The following GPBP1 variants were observed in gnomAD, a reference collection of about 807,000 sequenced individuals.
GPBP1 encodes the protein GC-rich promoter binding protein 1.
In GPBP1, 13 loss-of-function variants were observed where a neutral mutation model predicts 56.5. The observed-to-expected ratio is 0.23, with a 90% CI of 0.15 to 0.37. GPBP1 has a LOEUF of 0.37. Among genes scored for constraint, GPBP1 ranks in the 10% least tolerant of loss-of-function variants. The pLI is 1.00. For synonymous variants in GPBP1, 204 were observed against 188.9 expected (o/e 1.08, Z -0.66); for missense variants, 477 against 572.3 (o/e 0.83, Z 1.70).
chr5:57,197,360 C>CT (rs34110209), intron 2 of GPBP1, among the ~76,000 whole-genome samples: 78,888 of 119,724 alleles, frequency 0.66, 27,300 homozygotes, highest in Non-Finnish European at 0.73. Flanking sequence ...TATCATTTTG[C>CT]TTTTTTTTTT....
intron 8 of GPBP1, chr5:57,249,206 A>C (rs1214116783): frequency 2.2e-6 from 1 of 458,560 alleles, no homozygotes. Context: ...TCAGACCTTC[A>C]TTGTTTGTGG....
chr5:57,185,197 T>A (rs1442512895), intron 2 of GPBP1, among the ~76,000 whole-genome samples: 1 of 151,836 alleles, frequency 6.6e-6, no homozygotes, highest in South Asian at 2.1e-4. Flanking sequence ...CAGCAATGGG[T>A]GTTAGTTGTT....
At chr5:57,177,741 T>G (rs750838431) in intron 2 of GPBP1, among the ~76,000 whole-genome samples, 5 of 145,996 alleles carry the variant, frequency 3.4e-5, no homozygotes, top group Non-Finnish European at 7.5e-5. Flanking sequence ...CCTCAGGTGA[T>G]CCTTGCGCCT....
chr5:57,260,080 T>A (rs547926413), intron 10 of GPBP1, among the ~76,000 whole-genome samples: 200 of 152,350 alleles, frequency 1.3e-3, no homozygotes, highest in African/African-American at 4.5e-3. Flanking sequence ...AAAGCTCTAT[T>A]TTTGTCTGCA....
In GPBP1 at chr5:57,184,447, A is replaced by G. The variant is rs572194933; in HGVS notation, c.-58+8047A>G. Among the ~76,000 whole-genome samples, 137 of 152,054 alleles carry G rather than the reference A, an allele frequency of 9.0e-4. 1 individual carries two copies. Among genetic ancestry groups the G allele is most frequent in the Middle Eastern group, 3.4e-3 (1 of 294 alleles). ...GAGCTTACAATAATGGCATAACTGG[A>G]GCAGGCATGTCACATGGCAAGAGGG... On this transcript the variant is annotated intron_variant, in intron 2 of 11. Coordinates refer to ENST00000506184, the MANE Select transcript of GPBP1 (RefSeq NM_022913.4).
rs575217004 is a variant in GPBP1 at position 57,256,124 on chromosome 5, C to T, written c.1160+4983C>T. The stretch of plus-strand genomic sequence containing the variant: ...TACAAAAATTAGCTAGGCGTGGTGG[C>T]GTGTTCCTGTATTCTCAACTACTGA... On this transcript the variant is annotated intron_variant, in intron 10 of 11. Transcript: ENST00000506184. 3.3e-5 allele frequency among the ~76,000 whole-genome samples: 5 copies of T among 152,188 alleles called. No individual in the cohort carries two copies. In the South Asian group the frequency reaches 6.2e-4, roughly 19 times the overall value.
chr5:57,185,526 C>T (rs1228373143), intron 2 of GPBP1, among the ~76,000 whole-genome samples: 1 of 152,142 alleles, frequency 6.6e-6, no homozygotes, highest in Non-Finnish European at 1.5e-5. Context: ...CCTTCAGCCT[C>T]CTGCAGTGCT....
chr5:57,240,392 A>G (rs1440857964), intron 6 of GPBP1, among the ~76,000 whole-genome samples: 1 of 151,984 alleles, frequency 6.6e-6, no homozygotes, highest in Non-Finnish European at 1.5e-5. Context: ...TGTGATGATG[A>G]CTCTTGACGT....
chr5:57,205,579 C>T (rs921154357), intron 2 of GPBP1, among the ~76,000 whole-genome samples: 1 of 141,040 alleles, frequency 7.1e-6, no homozygotes, highest in Admixed American at 7.3e-5. Flanking sequence ...ACATTTATTT[C>T]CTCTTTTTTT....
intron 10 of GPBP1, among the ~76,000 whole-genome samples, chr5:57,252,579 A>G (rs186498278): frequency 6.6e-6 from 1 of 152,090 alleles, no homozygotes; most frequent in East Asian, 1.9e-4. Context: ...TTTTGTAGTG[A>G]TGAGGGTTTC....
intron 10 of GPBP1, among the ~76,000 whole-genome samples, chr5:57,259,756 A>T: frequency 6.6e-6 from 1 of 151,374 alleles, no homozygotes; most frequent in East Asian, 1.9e-4. Context: ...GTGGTTAAGG[A>T]CTCTCTGGTG....
chr5:57,174,635 G>A (rs1303538536), intron 1 of GPBP1, among the ~76,000 whole-genome samples: 1 of 152,122 alleles, frequency 6.6e-6, no homozygotes, highest in Non-Finnish European at 1.5e-5. Context: ...GGTTTCTTCA[G>A]CAGCGCCTCA....
At chr5:57,174,799 C>T (rs1753724918) in intron 1 of GPBP1, among the ~76,000 whole-genome samples, 1 of 152,166 alleles carries the variant, frequency 6.6e-6, no homozygotes, top group Non-Finnish European at 1.5e-5. Context: ...ACCTTCCACC[C>T]CCTCAGTTTT....
At chr5:57,232,263 T>C (rs1048956955) in intron 5 of GPBP1, among the ~76,000 whole-genome samples, 2 of 152,190 alleles carry the variant, frequency 1.3e-5, no homozygotes, top group African/African-American at 4.8e-5. Flanking sequence ...GCTGGGATTA[T>C]AGGTGTAAAA....
chr5:57,259,953 C>G (rs1286852022), intron 10 of GPBP1, among the ~76,000 whole-genome samples: 1 of 152,174 alleles, frequency 6.6e-6, no homozygotes, highest in Non-Finnish European at 1.5e-5. Context: ...CCTTCCACTT[C>G]TTGGTAGCTA....
rs1741261800 is a variant in GPBP1 at position 57,249,564 on chromosome 5, T to G, written c.960T>G (p.Ala320=). Residue 320 remains alanine, a synonymous_variant, in exon 9 of 12, where the codon GCT becomes GCG. Transcript: ENST00000506184. Reference sequence around the variant, plus strand: ...AGGAACATGAAGATGAAAGCCGTGCTGGCTCAGAGAAGGTAATTGAATTTA... The same window carrying G: ...AGGAACATGAAGATGAAAGCCGTGCGGGCTCAGAGAAGGTAATTGAATTTA... The part of the protein sequence containing the change: ...VEEEHEDESR[A]GSEKDDDSFN... 10 of 1,600,720 alleles carry G rather than the reference T, an allele frequency of 6.2e-6. No homozygotes were observed. Among genetic ancestry groups the G allele is most frequent in the Non-Finnish European group, 8.5e-6 (10 of 1,176,570 alleles).
At chr5:57,220,303 C>T (rs951930913) in intron 3 of GPBP1, among the ~76,000 whole-genome samples, 3 of 151,698 alleles carry the variant, frequency 2.0e-5, no homozygotes, top group Non-Finnish European at 4.4e-5. Context: ...TGTTAACGTG[C>T]GTTGAAATTC....
rs896258764 is a variant in GPBP1 at position 57,264,255 on chromosome 5, T to C, written c.*1503T>C. The C allele has an allele frequency of 1.3e-5, 2 of 152,174 alleles. No individual in the cohort carries two copies. The highest frequency in any genetic ancestry group is 2.4e-5 in the African/African-American group (1 of 41,450). 9.4% of individuals were successfully genotyped at this position (152,174 alleles called of 1,614,324 possible). On this transcript the variant is annotated 3_prime_UTR_variant, in exon 12 of 12. Coordinates refer to ENST00000506184, the MANE Select transcript of GPBP1 (RefSeq NM_022913.4). ...CCTTATACTTAAAATAAGGTTTCACTATATAATTTGTCACAATTCAATCTA... is the reference window on the plus strand; with the variant it reads ...CCTTATACTTAAAATAAGGTTTCACCATATAATTTGTCACAATTCAATCTA...
intron 3 of GPBP1, among the ~76,000 whole-genome samples, chr5:57,224,836 A>G (rs1756109248): frequency 6.6e-6 from 1 of 151,840 alleles, no homozygotes; most frequent in South Asian, 2.1e-4. Flanking sequence ...TGGAATCTAA[A>G]TAATTCTAAC....
Sources: allele counts gnomAD v4.1 joint callset (sites outside exome capture counted in the v4.1 genomes callset), GRCh38; gene constraint gnomAD v4.1.1; transcripts MANE v1.5; gene names NCBI Gene and HGNC (gene_info 2026-07-23, HGNC 2026-07-21).